GALNTL6: variants seen among roughly 807,000 people sequenced by gnomAD.
GALNTL6 encodes the protein polypeptide N-acetylgalactosaminyltransferase like 6.
GALNTL6 carries 46 observed loss-of-function variants against 73.7 expected under a neutral mutation model. The observed-to-expected ratio is 0.62, with a 90% confidence interval of 0.49 to 0.80. The LOEUF (loss-of-function observed/expected upper bound fraction) is 0.80. Among genes scored for constraint, GALNTL6 ranks in the 30% least tolerant of loss-of-function variants. The pLI is 0.00. For missense variants in GALNTL6, 604 were observed against 755.0 expected (o/e 0.80, Z 2.34); for synonymous variants, 259 against 263.7 (o/e 0.98, Z 0.17).
chr4:172,103,399 A>G (rs1038359613), intron 2 of GALNTL6, among the ~76,000 whole-genome samples: 8 of 152,204 alleles, frequency 5.3e-5, no homozygotes, highest in African/African-American at 1.9e-4. Flanking sequence ...AGGCATTCAT[A>G]AAACATAGGT....
In GALNTL6 at chr4:172,348,631, C is replaced by T. The variant is rs1243197437; in HGVS notation, c.495C>T (p.Asn165=). The change falls in exon 5 of 13, where the codon AAC becomes AAT. Residue 165 remains asparagine, a synonymous_variant. Transcript: ENST00000506823. ...SLLRTIHSII[N]RTPGSLIAEI... The stretch of plus-strand genomic sequence containing the variant: ...TGCGGACCATACACAGTATAATTAA[C>T]CGAACCCCAGGGAGTCTGATAGCAG... 2 of 1,611,882 alleles carry T rather than the reference C, an allele frequency of 1.2e-6. No homozygotes were observed. The highest frequency in any genetic ancestry group is 2.7e-5 in the African/African-American group (2 of 74,840).
chr4:172,969,939 G>GA (rs1750497202), intron 10 of GALNTL6, among the ~76,000 whole-genome samples: 1 of 152,276 alleles, frequency 6.6e-6, no homozygotes, highest in South Asian at 2.1e-4. Flanking sequence ...GAAATAAAGA[G>GA]AAAAACCACA....
chr4:171,891,045 G>C (rs558182887), intron 2 of GALNTL6, among the ~76,000 whole-genome samples: 2 of 151,984 alleles, frequency 1.3e-5, no homozygotes, highest in East Asian at 1.9e-4. Context: ...TCCTACTCAG[G>C]CTTGCTTATT....
At chr4:172,233,174 GC>G (rs1331060508) in intron 3 of GALNTL6, among the ~76,000 whole-genome samples, 1 of 144,682 alleles carries the variant, frequency 6.9e-6, no homozygotes, top group Non-Finnish European at 1.5e-5. Flanking sequence ...TTTGAAAGCA[GC>G]CTGGGAAACA....
chr4:172,669,577 C>T (rs558367695), intron 5 of GALNTL6, among the ~76,000 whole-genome samples: 10 of 152,264 alleles, frequency 6.6e-5, no homozygotes, highest in African/African-American at 2.2e-4. Context: ...TAAGTTGTTA[C>T]GGAATTAGAG....
At chr4:172,334,741 G>A (rs563376691) in intron 4 of GALNTL6, among the ~76,000 whole-genome samples, 1 of 152,212 alleles carries the variant, frequency 6.6e-6, no homozygotes, top group East Asian at 1.9e-4. Context: ...GATTGCTCAG[G>A]ATAGGACTTC....
At chr4:172,530,691 T>A (rs1296194101) in intron 5 of GALNTL6, among the ~76,000 whole-genome samples, 1 of 152,234 alleles carries the variant, frequency 6.6e-6, no homozygotes, top group East Asian at 1.9e-4. Flanking sequence ...ATGTGAATGA[T>A]CTTATATTTG....
chr4:172,155,721 G>A (rs896426804), intron 2 of GALNTL6, among the ~76,000 whole-genome samples: 11 of 152,122 alleles, frequency 7.2e-5, no homozygotes, highest in Non-Finnish European at 1.5e-4. Flanking sequence ...ATTCTGACAA[G>A]TAAATTAATA....
Position 172,761,669 on chromosome 4 carries a change from TTCTC to T in GALNTL6, c.554-47668_554-47665del, listed in dbSNP as rs33989573. On this transcript the variant is annotated intron_variant, in intron 5 of 12. Coordinates refer to ENST00000506823, the MANE Select transcript of GALNTL6 (RefSeq NM_001034845.3). ...TGTGAGAGCTTCGCCCTTGCTCTCT[TTCTC>T]TCTCTCTCTCTCTCTCTCTCTCTTT... is the stretch of plus-strand genomic sequence containing the variant. 2.2e-4 allele frequency among the ~76,000 whole-genome samples: 32 copies of T among 147,282 alleles called. No individual in the cohort carries two copies. The East Asian group carries it at 2.4e-3, about 11-fold the overall frequency.
At chr4:172,254,786 A>C (rs959829774) in intron 3 of GALNTL6, among the ~76,000 whole-genome samples, 3 of 151,702 alleles carry the variant, frequency 2.0e-5, no homozygotes, top group African/African-American at 7.2e-5. Context: ...GGCACCTGTT[A>C]AATTATTCAA....
At chr4:171,844,891 C>T (rs1297575192) in intron 2 of GALNTL6, among the ~76,000 whole-genome samples, 2 of 152,110 alleles carry the variant, frequency 1.3e-5, no homozygotes, top group East Asian at 1.9e-4. Flanking sequence ...GAGATCTCTG[C>T]GGTCTATTGC....
intron 5 of GALNTL6, among the ~76,000 whole-genome samples, chr4:172,559,430 C>T (rs1177612236): frequency 6.6e-6 from 1 of 152,104 alleles, no homozygotes; most frequent in Non-Finnish European, 1.5e-5. Flanking sequence ...GAGAGTGCTA[C>T]ATTTCCAAAT....
chr4:171,852,344 C>A (rs1359150138), intron 2 of GALNTL6, among the ~76,000 whole-genome samples: 1 of 152,042 alleles, frequency 6.6e-6, no homozygotes, highest in African/African-American at 2.4e-5. Flanking sequence ...AAGCTGTGAC[C>A]ACAGGAAGAA....
At chr4:172,385,687 A>G (rs1404078051) in intron 5 of GALNTL6, among the ~76,000 whole-genome samples, 1 of 152,024 alleles carries the variant, frequency 6.6e-6, no homozygotes, top group African/African-American at 2.4e-5. Context: ...TCATTGGATC[A>G]TTTTTATAAA....
intron 2 of GALNTL6, among the ~76,000 whole-genome samples, chr4:172,128,527 C>T (rs961188233): frequency 3.3e-5 from 5 of 152,124 alleles, no homozygotes; most frequent in East Asian, 1.9e-4. Context: ...GAACTGTTTA[C>T]GTGGCTAAAA....
chr4:172,428,049 T>G (rs1731294672), intron 5 of GALNTL6, among the ~76,000 whole-genome samples: 1 of 152,108 alleles, frequency 6.6e-6, no homozygotes, highest in African/African-American at 2.4e-5. Context: ...TTAAAGAAGT[T>G]GAGAAAGTTT....
At chr4:172,711,285 T>A (rs1275472788) in intron 5 of GALNTL6, among the ~76,000 whole-genome samples, 2 of 152,044 alleles carry the variant, frequency 1.3e-5, no homozygotes, top group Non-Finnish European at 2.9e-5. Context: ...ATGTCTTAGG[T>A]GAGAGTTTTC....
intron 5 of GALNTL6, among the ~76,000 whole-genome samples, chr4:172,580,335 G>A (rs1047867627): frequency 1.3e-5 from 2 of 152,068 alleles, no homozygotes; most frequent in Admixed American, 6.6e-5. Flanking sequence ...TAAAGTAATA[G>A]TAAATTATCA....
chr4:172,492,572 A>T (rs1733935365), intron 5 of GALNTL6, among the ~76,000 whole-genome samples: 1 of 152,162 alleles, frequency 6.6e-6, no homozygotes, highest in Non-Finnish European at 1.5e-5. Context: ...ATCCAAATAG[A>T]TCTAACACAT....
Sources: gnomAD v4.1 joint callset for allele counts (sites outside exome capture counted in the v4.1 genomes callset) on GRCh38, gnomAD v4.1.1 for gene constraint, MANE v1.5 for transcripts, NCBI Gene and HGNC (gene_info 2026-07-23, HGNC 2026-07-21) for gene names.